The following MDGA2 variants were observed in gnomAD, a reference collection of about 807,000 sequenced individuals.
The protein encoded by MDGA2 is MAM domain-containing glycosylphosphatidylinositol anchor protein 2.
Under a neutral mutation model 117.8 loss-of-function variants are expected in MDGA2, and 40 were observed. The ratio of observed to expected loss-of-function variants is 0.34; its 90% CI spans 0.26 to 0.44. The LOEUF is 0.44. Among genes scored for constraint, MDGA2 ranks in the 20% least tolerant of loss-of-function variants. MDGA2 has a pLI of 1.00. For missense variants in MDGA2, 1,123 were observed against 1,250.6 expected (o/e 0.90, Z 1.54); for synonymous variants, 452 against 439.0 (o/e 1.03, Z -0.37).
intron 3 of MDGA2, among the ~76,000 whole-genome samples, chr14:47,171,055 A>T (rs139586905): frequency 5.3e-5 from 8 of 152,328 alleles, no homozygotes; most frequent in Non-Finnish European, 1.0e-4. Context: ...CATTTGAAAA[A>T]GTAAAGTCAT....
intron 1 of MDGA2, among the ~76,000 whole-genome samples, chr14:47,380,351 G>A (rs982334154): frequency 6.6e-6 from 1 of 151,982 alleles, no homozygotes; most frequent in Non-Finnish European, 1.5e-5. Context: ...GCTAGCAGAA[G>A]GCAAGAAATA....
At chr14:47,545,319 C>T (rs1001533961) in intron 1 of MDGA2, among the ~76,000 whole-genome samples, 7 of 152,226 alleles carry the variant, frequency 4.6e-5, no homozygotes, top group African/African-American at 1.4e-4. Context: ...ACATAAAATC[C>T]ATCAACACAC....
intron 1 of MDGA2, among the ~76,000 whole-genome samples, chr14:47,641,276 A>G (rs558449404): frequency 3.9e-5 from 6 of 152,134 alleles, no homozygotes; most frequent in Admixed American, 2.0e-4. Flanking sequence ...AGGACAAAAC[A>G]GGTTCCTTAG....
chr14:47,373,410 A>C (rs1426164186), intron 1 of MDGA2, among the ~76,000 whole-genome samples: 1 of 152,130 alleles, frequency 6.6e-6, no homozygotes, highest in East Asian at 1.9e-4. Flanking sequence ...ACCACCTAAA[A>C]GGTGAAAAAA....
At chr14:47,331,898 A>G (rs1890303636) in intron 1 of MDGA2, among the ~76,000 whole-genome samples, 1 of 151,962 alleles carries the variant, frequency 6.6e-6, no homozygotes, top group Non-Finnish European at 1.5e-5. Flanking sequence ...GTTTTTCTAA[A>G]AGGAAATCAA....
chr14:47,052,507 T>C (rs189504182), intron 7 of MDGA2, among the ~76,000 whole-genome samples: 258 of 151,938 alleles, frequency 1.7e-3, no homozygotes, highest in Admixed American at 3.0e-3. Flanking sequence ...TCCATAGTAA[T>C]ACAGATTCAA....
At chr14:47,209,175 A>C (rs929368767) in intron 3 of MDGA2, among the ~76,000 whole-genome samples, 4 of 152,132 alleles carry the variant, frequency 2.6e-5, no homozygotes, top group Admixed American at 2.0e-4. Flanking sequence ...TTTTAACCAA[A>C]ATACTTTTAG....
intron 1 of MDGA2, among the ~76,000 whole-genome samples, chr14:47,490,798 A>C (rs971220676): frequency 9.2e-5 from 14 of 152,116 alleles, no homozygotes; most frequent in African/African-American, 3.4e-4. Context: ...GGGAACTCTG[A>C]AGAATCCCCT....
At chr14:47,670,705 T>C (rs1001275362) in intron 1 of MDGA2, among the ~76,000 whole-genome samples, 5 of 152,160 alleles carry the variant, frequency 3.3e-5, no homozygotes, top group Non-Finnish European at 7.4e-5. Context: ...GCAACAAAAT[T>C]AATAACGTGA....
chr14:47,172,452 T>A (rs1884199192), intron 3 of MDGA2, among the ~76,000 whole-genome samples: 1 of 151,476 alleles, frequency 6.6e-6, no homozygotes, highest in Admixed American at 6.6e-5. Flanking sequence ...GAGACAAAAC[T>A]TCCAGCGGAA....
intron 15 of MDGA2, 146 bp downstream of exon 15, chr14:46,854,878 G>C (rs755307579): frequency 2.1e-5 from 13 of 633,790 alleles, no homozygotes; most frequent in Non-Finnish European, 3.1e-5. Flanking sequence ...ACAGCTTTTA[G>C]AACTAAAGCA....
chr14:47,548,670 G>C (rs998844498), intron 1 of MDGA2, among the ~76,000 whole-genome samples: 1 of 152,054 alleles, frequency 6.6e-6, no homozygotes, highest in Non-Finnish European at 1.5e-5. Flanking sequence ...TTCACTTCTT[G>C]TTTGTGCAAA....
intron 6 of MDGA2, among the ~76,000 whole-genome samples, chr14:47,094,498 C>T (rs1223524656): frequency 6.6e-6 from 1 of 151,966 alleles, no homozygotes; most frequent in Non-Finnish European, 1.5e-5. Context: ...TTATATTGGA[C>T]ATTTTGCCAG....
At chr14:47,455,529 T>C (rs1229450331) in intron 1 of MDGA2, among the ~76,000 whole-genome samples, 1 of 151,692 alleles carries the variant, frequency 6.6e-6, no homozygotes, top group Non-Finnish European at 1.5e-5. Flanking sequence ...GGAAGAAGCA[T>C]GTAAAAGAGT....
intron 12 of MDGA2, 123 bp downstream of exon 12, chr14:46,877,366 T>C (rs1348884611): frequency 1.9e-6 from 1 of 520,028 alleles, no homozygotes. Flanking sequence ...ATTTTACTGA[T>C]TCTGAACAAT....
chr14:47,328,487 C>G (rs753038952), intron 1 of MDGA2, among the ~76,000 whole-genome samples: 7 of 152,076 alleles, frequency 4.6e-5, no homozygotes, highest in Non-Finnish European at 7.4e-5. Flanking sequence ...CTAAGTAATA[C>G]AAACCTATTT....
At chr14:47,531,759 T>G (rs997558970) in intron 1 of MDGA2, among the ~76,000 whole-genome samples, 1 of 152,200 alleles carries the variant, frequency 6.6e-6, no homozygotes, top group South Asian at 2.1e-4. Context: ...CATTTACCCT[T>G]TGAAATTAAG....
intron 2 of MDGA2, 99 bp downstream of exon 2, chr14:47,301,309 ACAC>A: frequency 7.7e-7 from 1 of 1,292,802 alleles, no homozygotes; most frequent in Non-Finnish European, 1.1e-6. Context: ...ACACACACAC[ACAC>A]ACACACACAG....
intron 1 of MDGA2, among the ~76,000 whole-genome samples, chr14:47,322,092 G>A (rs1236957294): frequency 2.0e-5 from 3 of 152,070 alleles, no homozygotes; most frequent in African/African-American, 7.2e-5. Flanking sequence ...GAGACAGAGC[G>A]ATTCCCAGAT....
Sources: allele counts gnomAD v4.1 joint callset (sites outside exome capture counted in the v4.1 genomes callset), GRCh38; gene constraint gnomAD v4.1.1; transcripts MANE v1.5; gene names NCBI Gene and HGNC (gene_info 2026-07-23, HGNC 2026-07-21).